KHSRP: variants seen among roughly 807,000 people sequenced by gnomAD.
KHSRP encodes far upstream element-binding protein 2.
KHSRP carries 13 observed loss-of-function variants against 94.9 expected under a neutral mutation model. The ratio of observed to expected loss-of-function variants is 0.14; its 90% CI spans 0.09 to 0.22. The LOEUF (loss-of-function observed/expected upper bound fraction) is 0.22. Ranked by LOEUF, KHSRP falls within the 10% of genes least tolerant of loss-of-function variation. The pLI is 1.00. For synonymous variants in KHSRP, 495 were observed against 401.4 expected (o/e 1.23, Z -2.79); for missense variants, 710 against 1,010.0 (o/e 0.70, Z 4.03).
chr19:6,424,587 C>T lies in KHSRP; in HGVS notation c.115G>A (p.Asp39Asn). 2.1e-6 allele frequency: 2 copies of T among 955,254 alleles called. No homozygotes were observed. Among genetic ancestry groups the T allele is most frequent in the South Asian group, 4.8e-5 (1 of 21,018 alleles). The allele number at this position is 955,254 out of a possible 1,614,324, so 59.2% of individuals were successfully genotyped here. A position where few individuals can be genotyped will look rare whatever the true frequency, so the allele number is the denominator to read the frequency against. The change falls in exon 1 of 19, where the codon GAC becomes AAC. Residue 39 changes from aspartate to asparagine, a missense_variant. Transcript: ENST00000600480. The stretch of plus-strand genomic sequence containing the variant: ...CCGCCGGGACCGCCGCCGCCCCGGT[C>T]CCCCGCGCCTGGCGGGCCCGGCGGA... ...GPPPGPPGAG[D>N]RGGGGPGGGG... is the part of the protein sequence containing the mutation.
rs2092166867 is a variant in KHSRP at position 6,418,179 on chromosome 19, C to T, written c.880-100G>A. The T allele has an allele frequency of 4.0e-6, 4 of 1,000,356 alleles. No individual in the cohort carries two copies. The highest frequency in any genetic ancestry group is 6.2e-6 in the Non-Finnish European group (4 of 645,428). 62.0% of individuals were successfully genotyped at this position (1,000,356 alleles called of 1,614,324 possible). A position where few individuals can be genotyped will look rare whatever the true frequency, so the allele number is the denominator to read the frequency against. Reference sequence around the variant, plus strand: ...GGCCTCAACTAAGGACCCACGAACCCTGGGTGAGCCCAGCACAGCACCCTA... The same window carrying T: ...GGCCTCAACTAAGGACCCACGAACCTTGGGTGAGCCCAGCACAGCACCCTA... On this transcript the variant is annotated intron_variant, in intron 9 of 18. Transcript: ENST00000600480. The surrounding 1 kb of genome is among the most constrained non-coding windows in gnomAD (Gnocchi z 4.3).
At position 6,418,650 on chromosome 19, in the gene KHSRP, G is replaced by C; in HGVS notation, c.780+52C>G. Reference sequence around the variant, plus strand: ...CTTCCTGGGCTGCTGTGGTGGTGGCGGTGGGGTGTGGCACACGGATGCAGA... The same window carrying C: ...CTTCCTGGGCTGCTGTGGTGGTGGCCGTGGGGTGTGGCACACGGATGCAGA... On this transcript the variant is annotated intron_variant, in intron 8 of 18. Coordinates refer to ENST00000600480, the MANE Select transcript of KHSRP (RefSeq NM_001366299.1). This position sits in a 1 kb window ranked among gnomAD's most constrained non-coding sequence, Gnocchi z 4.3. The C allele has an allele frequency of 6.2e-7, 1 of 1,613,138 alleles. No homozygotes were observed. The highest frequency in any genetic ancestry group is 8.5e-7 in the Non-Finnish European group (1 of 1,179,142).
intron 4 of KHSRP, 190 bp downstream of exon 4, chr19:6,421,088 C>A (rs1213163960): frequency 1.1e-5 from 7 of 615,108 alleles, no homozygotes; most frequent in Non-Finnish European, 1.7e-5. Context: ...CTCCCACAGC[C>A]CTTCAGACAA....
Position 6,413,890 on chromosome 19 carries a change from G to C in KHSRP, c.*1134C>G. ...TTCTCTGGCTGGCTCAACATGGAAG[G>C]ATCCCAATTTTGAAAGAAAAAGCAT... On this transcript the variant is annotated 3_prime_UTR_variant, in exon 19 of 19. Transcript: ENST00000600480. 2 of 420,734 alleles carry C rather than the reference G, an allele frequency of 4.8e-6. No individual in the cohort carries two copies. 26.1% of individuals were successfully genotyped at this position (420,734 alleles called of 1,614,324 possible).
At chr19:6,423,202 TG>T (rs762063057) in intron 1 of KHSRP, among the ~76,000 whole-genome samples, 1 of 152,114 alleles carries the variant, frequency 6.6e-6, no homozygotes, top group Non-Finnish European at 1.5e-5. Context: ...GCACTTCAAC[TG>T]GAGAGGTGGA....
At position 6,414,130 on chromosome 19, in the gene KHSRP, G is replaced by A. The variant is rs1398710246; in HGVS notation, c.*894C>T. 8 of 1,610,902 alleles carry A rather than the reference G, an allele frequency of 5.0e-6. No individual in the cohort carries two copies. Among genetic ancestry groups the A allele is most frequent in the East Asian group, 2.2e-5 (1 of 44,802 alleles). ...ATTCGATTCATTGAGCCTGCGGAGA[G>A]GGAAGAGATAGGAATTGGTCACTAC... On this transcript the variant is annotated 3_prime_UTR_variant, in exon 19 of 19. Coordinates refer to ENST00000600480, the MANE Select transcript of KHSRP (RefSeq NM_001366299.1).
At position 6,413,383 on chromosome 19, in the gene KHSRP, C is replaced by T. The variant is rs1222166424; in HGVS notation, c.*1641G>A. On this transcript the variant is annotated 3_prime_UTR_variant, in exon 19 of 19. Transcript: ENST00000600480. ...TATCATTTATTTGTGAAGTTAAAAA[C>T]GAGCGATAAAAAGTAAAAACTGCCA... The T allele has an allele frequency of 1.2e-5, 5 of 410,530 alleles. No homozygotes were observed. Among genetic ancestry groups the T allele is most frequent in the Non-Finnish European group, 1.9e-5 (4 of 209,086 alleles). 25.4% of individuals were successfully genotyped at this position (410,530 alleles called of 1,614,324 possible). A position where few individuals can be genotyped will look rare whatever the true frequency, so the allele number is the denominator to read the frequency against.
Position 6,418,784 on chromosome 19 carries a change from C to T in KHSRP, c.698G>A (p.Gly233Asp). The change falls in exon 8 of 19, where the codon GGC becomes GAC. Residue 233 changes from glycine to aspartate, a missense_variant. Gly to Asp is a moderately conservative substitution (Grantham distance 94). This residue lies in a region of KHSRP where 288 missense variants were observed against 501.1 expected (regional missense o/e 0.57). Coordinates refer to ENST00000600480, the MANE Select transcript of KHSRP (RefSeq NM_001366299.1). This position sits in a 1 kb window ranked among gnomAD's most constrained non-coding sequence, Gnocchi z 4.3. ...FHDNANGGQN[G>D]TVQEIMIPAG... ...GGGGATCATGATCTCCTGCACGGTGCCGTTCTGGCCCCCGTTGGCGTTGTC... is the reference window on the plus strand; with the variant it reads ...GGGGATCATGATCTCCTGCACGGTGTCGTTCTGGCCCCCGTTGGCGTTGTC... 1 of 1,602,932 alleles carries T rather than the reference C, an allele frequency of 6.2e-7. No individual in the cohort carries two copies. Among genetic ancestry groups the T allele is most frequent in the East Asian group, 2.2e-5 (1 of 44,820 alleles).
At position 6,413,981 on chromosome 19, in the gene KHSRP, G is replaced by T; in HGVS notation, c.*1043C>A. ...CCCCCAAGTCCCCCCCACCCTGCTTGCCGCGAGGGCTCCCCAGTACTCCCC... is the reference window on the plus strand; with the variant it reads ...CCCCCAAGTCCCCCCCACCCTGCTTTCCGCGAGGGCTCCCCAGTACTCCCC... On this transcript the variant is annotated 3_prime_UTR_variant, in exon 19 of 19. Coordinates refer to ENST00000600480, the MANE Select transcript of KHSRP (RefSeq NM_001366299.1). The T allele has an allele frequency of 1.6e-4, 170 of 1,062,100 alleles. No individual in the cohort carries two copies. Among genetic ancestry groups the T allele is most frequent in the Middle Eastern group, 6.8e-4 (2 of 2,946 alleles). 65.8% of individuals were successfully genotyped at this position (1,062,100 alleles called of 1,614,324 possible).
At chr19:6,419,330 G>A in intron 6 of KHSRP, 70 bp from the exon 7 acceptor site, 4 of 1,430,262 alleles carry the variant, frequency 2.8e-6, no homozygotes, top group Non-Finnish European at 3.8e-6. Context: ...TTGGACACGA[G>A]GAAACTTTCA....
At chr19:6,416,117 G>A (rs534069254) in intron 15 of KHSRP, among the ~76,000 whole-genome samples, 181 bp downstream of exon 15, 2 of 152,340 alleles carry the variant, frequency 1.3e-5, no homozygotes, top group Admixed American at 6.5e-5. Context: ...TGCACAGAGG[G>A]ATGCTGAAAG....
At chr19:6,424,357 T>G in intron 1 of KHSRP, 96 bp downstream of exon 1, 2 of 504,812 alleles carry the variant, frequency 4.0e-6, no homozygotes, top group Non-Finnish European at 5.1e-6. Context: ...CCGGCCCCCC[T>G]CCGCGACCCT....
Position 6,418,884 on chromosome 19 carries a change from G to A in KHSRP, c.606-8C>T. ...AGCATCATCTTGGCTTTCCTGGGAA[G>A]GGGAGGAGCGGGGGATGAGCGGGTG... On this transcript the variant is annotated splice_polypyrimidine_tract_variant and splice_region_variant and intron_variant, in intron 7 of 18. Transcript: ENST00000600480. The surrounding 1 kb of genome is among the most constrained non-coding windows in gnomAD (Gnocchi z 4.3). The A allele has an allele frequency of 1.3e-6, 2 of 1,537,108 alleles. No individual in the cohort carries two copies. The highest frequency in any genetic ancestry group is 1.7e-6 in the Non-Finnish European group (2 of 1,147,790).
chr19:6,424,360 G>C, intron 1 of KHSRP, 93 bp downstream of exon 1: 4 of 555,184 alleles, frequency 7.2e-6, no homozygotes, highest in South Asian at 7.8e-5. Flanking sequence ...GCCCCCCTCC[G>C]CGACCCTGCG....
At chr19:6,416,018 G>T in intron 15 of KHSRP, 122 bp from the exon 16 acceptor site, 1 of 691,824 alleles carries the variant, frequency 1.4e-6, no homozygotes. Flanking sequence ...AGGCTCAACG[G>T]GGCGCCTGGG....
In KHSRP at chr19:6,421,077, C is replaced by A; in HGVS notation, c.425+201G>T. On this transcript the variant is annotated intron_variant, in intron 4 of 18. Coordinates refer to ENST00000600480, the MANE Select transcript of KHSRP (RefSeq NM_001366299.1). The stretch of plus-strand genomic sequence containing the variant: ...ACTACAGTGACTGCCACGACGCTCC[C>A]CTCCCACAGCCCTTCAGACAAGGGG... The A allele has an allele frequency of 5.0e-6, 3 of 600,958 alleles. No homozygotes were observed. The South Asian group carries it at 6.2e-5, about 12-fold the overall frequency. The allele number at this position is 600,958 out of a possible 1,614,324, so 37.2% of individuals were successfully genotyped here.
In KHSRP at chr19:6,413,353, TTTG is replaced by T. The variant is rs1468114558; in HGVS notation, c.*1668_*1670del. On this transcript the variant is annotated 3_prime_UTR_variant, in exon 19 of 19. Transcript: ENST00000600480. ...AGACAGCACCCGCAGACGGGGAGGT[TTTG>T]TTATCATTTATTTGTGAAGTTAAAA... 2.9e-5 allele frequency: 11 copies of T among 382,140 alleles called. No homozygotes were observed. Among genetic ancestry groups the T allele is most frequent in the East Asian group, 9.8e-5 (1 of 10,170 alleles). 23.7% of individuals were successfully genotyped at this position (382,140 alleles called of 1,614,324 possible).
chr19:6,420,523 A>G (rs1433679382), intron 4 of KHSRP, 52 bp from the exon 5 acceptor site: 1 of 1,552,430 alleles, frequency 6.4e-7, no homozygotes. Context: ...GGAGGAGGAC[A>G]GCAGCTCTGG....
rs1232498348 is a variant in KHSRP at position 6,414,169 on chromosome 19, T to C, written c.*855A>G. The C allele has an allele frequency of 1.5e-6, 1 of 679,264 alleles. No individual in the cohort carries two copies. The highest frequency in any genetic ancestry group is 2.2e-6 in the Non-Finnish European group (1 of 460,320). The allele number at this position is 679,264 out of a possible 1,614,324, so 42.1% of individuals were successfully genotyped here. On this transcript the variant is annotated 3_prime_UTR_variant, in exon 19 of 19. Coordinates refer to ENST00000600480, the MANE Select transcript of KHSRP (RefSeq NM_001366299.1). ...ATTGGTCACTACGGGGAGGGAAGGG[T>C]GGGAGACTAGGGGGCGGAAGAGAGG...
Sources: allele counts gnomAD v4.1 joint callset (sites outside exome capture counted in the v4.1 genomes callset), GRCh38; gene constraint gnomAD v4.1.1; regional missense constraint gnomAD v4.1.1; non-coding constraint Gnocchi (gnomAD v3.1); transcripts MANE v1.5; gene names NCBI Gene and HGNC (gene_info 2026-07-23, HGNC 2026-07-21).